Variants in CCDC141 observed in about 807,000 individuals in gnomAD.
CCDC141 encodes coiled-coil domain-containing protein 141.
In CCDC141, 168 loss-of-function variants were observed where a neutral mutation model predicts 181.0. The ratio of observed to expected loss-of-function variants is 0.93; its 90% CI spans 0.82 to 1.05. The LOEUF (loss-of-function observed/expected upper bound fraction) is 1.05, where lower values mean the gene tolerates loss of function less well. Among genes scored for constraint, CCDC141 ranks in the 50% least tolerant of loss-of-function variants. The pLI is 0.00. For missense variants in CCDC141, 1,902 were observed against 1,788.5 expected (o/e 1.06, Z -1.14); for synonymous variants, 666 against 642.3 (o/e 1.04, Z -0.56).
chr2:179,004,943 G>T (rs2042081954), intron 2 of CCDC141, among the ~76,000 whole-genome samples: 1 of 152,106 alleles, frequency 6.6e-6, no homozygotes, highest in Admixed American at 6.5e-5. Flanking sequence ...TGTTGGCCAG[G>T]CTGGTTTTGA....
intron 2 of CCDC141, among the ~76,000 whole-genome samples, chr2:179,027,561 C>A (rs973456637): frequency 4.2e-5 from 6 of 142,382 alleles, no homozygotes; most frequent in African/African-American, 1.6e-4. Flanking sequence ...AGGAGAATGG[C>A]ATGAACCCGG....
At chr2:178,892,903 T>C (rs1166657342) in intron 8 of CCDC141, among the ~76,000 whole-genome samples, 1 of 152,174 alleles carries the variant, frequency 6.6e-6, no homozygotes, top group African/African-American at 2.4e-5. Flanking sequence ...GTAACACTGC[T>C]CATGTGCAGC....
chr2:178,871,656 C>T, intron 13 of CCDC141, 104 bp from the exon 14 acceptor site: 2 of 1,283,576 alleles, frequency 1.6e-6, no homozygotes, highest in Non-Finnish European at 2.1e-6. Context: ...TTTCAAACCC[C>T]ATGAAAACAC....
chr2:179,015,904 CAT>C (rs922254308), intron 2 of CCDC141, among the ~76,000 whole-genome samples: 66 of 127,594 alleles, frequency 5.2e-4, no homozygotes, highest in African/African-American at 1.8e-3. Context: ...ATATATGTAT[CAT>C]ATATATCTCA....
intron 8 of CCDC141, among the ~76,000 whole-genome samples, 167 bp downstream of exon 8, chr2:178,905,162 T>C (rs1344213426): frequency 6.6e-6 from 1 of 152,216 alleles, no homozygotes; most frequent in Non-Finnish European, 1.5e-5. Flanking sequence ...GAGCAATGGA[T>C]GTGTTCAGAA....
At chr2:178,821,885 G>A in the CCDC141 span, among the ~76,000 whole-genome samples, 1 of 152,152 alleles carries the variant, frequency 6.6e-6, no homozygotes. Flanking sequence ...AATACCATTT[G>A]ACCCAGCCAT....
At chr2:178,957,613 C>T (rs545847133) in intron 5 of CCDC141, among the ~76,000 whole-genome samples, 15 of 152,340 alleles carry the variant, frequency 9.8e-5, no homozygotes, top group Admixed American at 7.8e-4. Flanking sequence ...TAAAAAGCTG[C>T]ACATGGATGC....
intron 8 of CCDC141, among the ~76,000 whole-genome samples, chr2:178,893,256 G>C (rs1687242431): frequency 6.7e-6 from 1 of 148,870 alleles, no homozygotes; most frequent in Non-Finnish European, 1.5e-5. Flanking sequence ...CAGACGTATT[G>C]ACTTCTGGTT....
intron 6 of CCDC141, among the ~76,000 whole-genome samples, chr2:178,928,573 T>C (rs1184880491): frequency 6.6e-6 from 1 of 152,092 alleles, no homozygotes; most frequent in Non-Finnish European, 1.5e-5. Context: ...AAAAAAGATA[T>C]ATGAGGAATT....
chr2:179,018,989 A>G (rs1257481505), intron 2 of CCDC141, among the ~76,000 whole-genome samples: 1 of 152,176 alleles, frequency 6.6e-6, no homozygotes, highest in Non-Finnish European at 1.5e-5. Flanking sequence ...TCCAATTTCC[A>G]TTTGATTATA....
chr2:179,017,143 A>C (rs969362150), intron 2 of CCDC141, among the ~76,000 whole-genome samples: 10 of 152,136 alleles, frequency 6.6e-5, no homozygotes, highest in Admixed American at 5.9e-4. Context: ...ACTTTTAAAT[A>C]ATTATTTACA....
intron 2 of CCDC141, among the ~76,000 whole-genome samples, 160 bp from the exon 3 acceptor site, chr2:178,978,835 A>C (rs182908453): frequency 8.2e-4 from 125 of 152,362 alleles, no homozygotes; most frequent in African/African-American, 2.6e-3. Flanking sequence ...ACAGGAAGGA[A>C]GGAGCGATCA....
At chr2:179,017,762 A>AT (rs1429230541) in intron 2 of CCDC141, among the ~76,000 whole-genome samples, 2 of 152,144 alleles carry the variant, frequency 1.3e-5, no homozygotes, top group Non-Finnish European at 2.9e-5. Flanking sequence ...CAATAATAAC[A>AT]TTTTTTAAAA....
At chr2:178,898,633 C>A (rs768083577) in intron 8 of CCDC141, among the ~76,000 whole-genome samples, 2 of 152,116 alleles carry the variant, frequency 1.3e-5, no homozygotes, top group Non-Finnish European at 2.9e-5. Context: ...ATGTAAATAA[C>A]CACAATTTGC....
chr2:179,001,799 C>G (rs1416995804), intron 2 of CCDC141: 1 of 152,274 alleles, frequency 6.6e-6, no homozygotes, highest in Non-Finnish European at 1.5e-5. Flanking sequence ...CAGAAATTCA[C>G]TGAAGTGGCT....
At chr2:178,879,902 T>C (rs1035695638) in intron 11 of CCDC141, among the ~76,000 whole-genome samples, 27 of 151,598 alleles carry the variant, frequency 1.8e-4, no homozygotes, top group African/African-American at 6.3e-4. Context: ...GTGAGTGAAG[T>C]ACAGGTTGCA....
intron 21 of CCDC141, among the ~76,000 whole-genome samples, chr2:178,849,279 T>C (rs2154366943): frequency 6.6e-6 from 1 of 152,298 alleles, no homozygotes. Context: ...TACCCTGGGA[T>C]CCACTTTGTA....
At chr2:178,889,211 A>T (rs1323467049) in intron 8 of CCDC141, among the ~76,000 whole-genome samples, 4 of 3,394 alleles carry the variant, frequency 1.2e-3, no homozygotes, top group Admixed American at 9.8e-3. Flanking sequence ...CTTGTTGATA[A>T]AAAAAAAAAG....
At chr2:178,896,898 A>C (rs1484961492) in intron 8 of CCDC141, among the ~76,000 whole-genome samples, 2 of 152,116 alleles carry the variant, frequency 1.3e-5, no homozygotes, top group Non-Finnish European at 2.9e-5. Flanking sequence ...CATTATTGCC[A>C]ATGAGTCTTT....
Sources: gnomAD v4.1 joint callset for allele counts (sites outside exome capture counted in the v4.1 genomes callset) on GRCh38, gnomAD v4.1.1 for gene constraint, MANE v1.5 for transcripts, NCBI Gene and HGNC (gene_info 2026-07-23, HGNC 2026-07-21) for gene names.